The following TMEM117 variants were observed in gnomAD, a reference collection of about 807,000 sequenced individuals.
TMEM117 encodes transmembrane protein 117.
TMEM117 carries 27 observed loss-of-function variants against 52.4 expected under a neutral mutation model. That is an observed-to-expected ratio of 0.51 (90% CI 0.38 to 0.71). TMEM117 has a LOEUF of 0.71. Among genes scored for constraint, TMEM117 ranks in the 30% least tolerant of loss-of-function variants. The pLI, the probability that TMEM117 is intolerant of heterozygous loss-of-function variation, is 0.00. For missense variants in TMEM117, 556 were observed against 630.5 expected, an observed-to-expected ratio of 0.88 and a Z score of 1.26; for synonymous variants, 215 against 206.3, an observed-to-expected ratio of 1.04 and a Z score of -0.36.
rs556325493 is a variant in TMEM117 at position 44,028,719 on chromosome 12, C to G, written c.410+84377C>G. ...AGAAATAACCATAAAAATGGGCAAC[C>G]AGCAGCCCTTGGGACTGCTTTGCCT... On this transcript the variant is annotated intron_variant, in intron 3 of 7. Transcript: ENST00000266534. 2.6e-4 allele frequency among the ~76,000 whole-genome samples: 40 copies of G among 152,322 alleles called. 2 individuals are homozygous for G. The highest frequency in any genetic ancestry group is 9.6e-4 in the African/African-American group (40 of 41,578).
intron 3 of TMEM117, among the ~76,000 whole-genome samples, chr12:43,998,443 T>G (rs979045392): frequency 6.6e-6 from 1 of 152,244 alleles, no homozygotes; most frequent in African/African-American, 2.4e-5. Context: ...TGATAATCTT[T>G]CTTTTAATTG....
chr12:43,837,341 CT>C (rs1340195507), intron 1 of TMEM117, among the ~76,000 whole-genome samples: 1 of 151,824 alleles, frequency 6.6e-6, no homozygotes, highest in Non-Finnish European at 1.5e-5. Flanking sequence ...CTTTTCTTTT[CT>C]TTAATTTCTG....
At chr12:44,302,737 A>T (rs1250206453) in intron 6 of TMEM117, among the ~76,000 whole-genome samples, 1 of 152,188 alleles carries the variant, frequency 6.6e-6, no homozygotes, top group African/African-American at 2.4e-5. Context: ...TGTGAGCATC[A>T]TGTAGAAGTT....
rs965653005 is a variant in TMEM117 at position 43,927,981 on chromosome 12, CT to C, written c.278-16220del. Among the ~76,000 whole-genome samples the C allele has an allele frequency of 4.7e-3, 704 of 150,182 alleles. 5 individuals are homozygous for C. The highest frequency in any genetic ancestry group is 0.016 in the African/African-American group (674 of 41,052). On this transcript the variant is annotated intron_variant, in intron 2 of 7. Transcript: ENST00000266534. ...CAGCTTTTCCTTCTTTCTTTTTTCC[CT>C]TTTTTTTTGCACAGAGTGAATTTTG... is the stretch of plus-strand genomic sequence containing the variant.
intron 5 of TMEM117, among the ~76,000 whole-genome samples, chr12:44,291,017 A>G (rs991519567): frequency 2.6e-5 from 4 of 152,022 alleles, no homozygotes; most frequent in Non-Finnish European, 5.9e-5. Flanking sequence ...TGTTTTTCTG[A>G]TTTCTTTGAA....
At chr12:44,075,706 C>T (rs1042597985) in intron 3 of TMEM117, among the ~76,000 whole-genome samples, 2 of 151,986 alleles carry the variant, frequency 1.3e-5, no homozygotes, top group Admixed American at 1.3e-4. Flanking sequence ...ATATGGTGTC[C>T]ACCTCTCATG....
At chr12:44,155,655 G>A (rs2138239395) in intron 4 of TMEM117, among the ~76,000 whole-genome samples, 1 of 152,210 alleles carries the variant, frequency 6.6e-6, no homozygotes, top group East Asian at 1.9e-4. Context: ...TCTGGTATGA[G>A]ATAAAAGGGT....
At chr12:44,308,462 A>T (rs1950930962) in intron 6 of TMEM117, among the ~76,000 whole-genome samples, 1 of 151,930 alleles carries the variant, frequency 6.6e-6, no homozygotes, top group Non-Finnish European at 1.5e-5. Flanking sequence ...TGTACCCAGT[A>T]AAAAAAAGTG....
intron 5 of TMEM117, among the ~76,000 whole-genome samples, chr12:44,223,289 C>T (rs1373733757): frequency 2.0e-5 from 3 of 151,466 alleles, no homozygotes; most frequent in African/African-American, 7.3e-5. Flanking sequence ...CTTTTCAGTC[C>T]TCAGTTCTTG....
chr12:44,252,537 A>C (rs928701678), intron 5 of TMEM117, among the ~76,000 whole-genome samples: 1 of 152,062 alleles, frequency 6.6e-6, no homozygotes, highest in Non-Finnish European at 1.5e-5. Context: ...AAAAACAAAA[A>C]GCAAAGATTC....
intron 4 of TMEM117, among the ~76,000 whole-genome samples, chr12:44,158,875 G>T (rs577402608): frequency 5.3e-5 from 8 of 152,298 alleles, no homozygotes; most frequent in African/African-American, 1.7e-4. Context: ...ATCAGTGTCT[G>T]CCCTGGTCTT....
intron 4 of TMEM117, among the ~76,000 whole-genome samples, chr12:44,188,193 CT>C (rs1202154639): frequency 3.9e-5 from 6 of 152,062 alleles, no homozygotes; most frequent in Non-Finnish European, 5.9e-5. Context: ...TTGGGGTTCT[CT>C]TTTAGGCCTG....
At chr12:44,226,501 A>ATGTGTG (rs56709250) in intron 5 of TMEM117, among the ~76,000 whole-genome samples, 23 of 149,278 alleles carry the variant, frequency 1.5e-4, no homozygotes, top group East Asian at 5.9e-4. Flanking sequence ...AAATATATAT[A>ATGTGTG]TGTGTGTGTG....
the TMEM117 span, among the ~76,000 whole-genome samples, chr12:43,804,908 T>C: frequency 6.6e-6 from 1 of 152,194 alleles, no homozygotes; most frequent in South Asian, 2.1e-4. Flanking sequence ...TTTTGAAAAA[T>C]ATTGAAAACC....
intron 5 of TMEM117, among the ~76,000 whole-genome samples, chr12:44,248,199 T>C (rs981132101): frequency 6.6e-6 from 1 of 152,078 alleles, no homozygotes; most frequent in Non-Finnish European, 1.5e-5. Flanking sequence ...TCTGGAGAAT[T>C]TGATGCTATT....
Position 44,316,564 on chromosome 12 carries a change from A to T in TMEM117, c.768+16825A>T, listed in dbSNP as rs184199783. On this transcript the variant is annotated intron_variant, in intron 6 of 7. Transcript: ENST00000266534. ...AGTTTAATGACTATATGCCTTGATG[A>T]TGTTCTTTTTGTATGGTATCTCACA... Among the ~76,000 whole-genome samples, 26 of 152,072 alleles carry T rather than the reference A, an allele frequency of 1.7e-4. No homozygotes were observed. In the East Asian group the frequency reaches 5.0e-3, roughly 29 times the overall value.
intron 4 of TMEM117, among the ~76,000 whole-genome samples, chr12:44,154,445 G>A (rs1377529811): frequency 6.6e-6 from 1 of 151,992 alleles, no homozygotes; most frequent in African/African-American, 2.4e-5. Context: ...AGAAAACCTA[G>A]AGAGAAGCCA....
chr12:44,311,895 G>T lies in TMEM117; in HGVS notation c.768+12156G>T, dbSNP rs984956421. Among the ~76,000 whole-genome samples the T allele has an allele frequency of 1.9e-4, 25 of 132,468 alleles. No homozygotes were observed. The East Asian group carries it at 5.0e-3, about 27-fold the overall frequency. The allele number at this position is 132,468 out of a possible 152,430, so 86.9% of individuals were successfully genotyped here. On this transcript the variant is annotated intron_variant, in intron 6 of 7. Coordinates refer to ENST00000266534, the MANE Select transcript of TMEM117 (RefSeq NM_032256.3). The stretch of plus-strand genomic sequence containing the variant: ...TATATATGTATATATGTATATATAT[G>T]TGTATATATATATGTGTGTATATAT...
At chr12:44,345,000 T>G (rs533239156) in intron 6 of TMEM117, among the ~76,000 whole-genome samples, 1 of 152,092 alleles carries the variant, frequency 6.6e-6, no homozygotes, top group Admixed American at 6.6e-5. Context: ...GAAGGTGCAT[T>G]AAACCAGTCA....
Sources: allele counts gnomAD v4.1 joint callset (sites outside exome capture counted in the v4.1 genomes callset), GRCh38; gene constraint gnomAD v4.1.1; transcripts MANE v1.5; gene names NCBI Gene and HGNC (gene_info 2026-07-23, HGNC 2026-07-21).